ELF2: variants seen among roughly 807,000 people sequenced by gnomAD.
ELF2 encodes ETS-related transcription factor Elf-2.
Under a neutral mutation model 54.8 loss-of-function variants are expected in ELF2, and 11 were observed. The ratio of observed to expected loss-of-function variants is 0.20; its 90% CI spans 0.13 to 0.33. ELF2 has a LOEUF of 0.33. ELF2 is among the 10% of genes least tolerant of loss of function. The pLI is 1.00. For synonymous variants in ELF2, 203 were observed against 245.1 expected (o/e 0.83, Z 1.61); for missense variants, 513 against 703.0 (o/e 0.73, Z 3.06).
In ELF2 at chr4:139,151,072, G is replaced by GAAAGAAAGAAAGAAAGAA. The variant is rs1739919314; in HGVS notation, c.-251-11593_-251-11576dup. ...AGAAAGAAAGAAAGAAAGAAAGAAA[G>GAAAGAAAGAAAGAAAGAA]AAAGAAAGAAAGAAAGAAAGAAAAA... On this transcript the variant is annotated intron_variant, in intron 1 of 9. Transcript: ENST00000686138. Among the ~76,000 whole-genome samples, 6 of 123,584 alleles carry GAAAGAAAGAAAGAAAGAA rather than the reference G, an allele frequency of 4.9e-5. 1 individual carries two copies. The highest frequency in any genetic ancestry group is 4.0e-4 in the Admixed American group (5 of 12,350). 81.1% of individuals were successfully genotyped at this position (123,584 alleles called of 152,430 possible).
At chr4:139,151,782 G>A (rs1261330595) in intron 1 of ELF2, among the ~76,000 whole-genome samples, 1 of 152,148 alleles carries the variant, frequency 6.6e-6, no homozygotes, top group Admixed American at 6.5e-5. Context: ...CATGAAAACT[G>A]AATAGTTTGT....
intron 1 of ELF2, chr4:139,155,145 T>C (rs1485247267): frequency 3.3e-5 from 5 of 152,220 alleles, no homozygotes; most frequent in Non-Finnish European, 7.3e-5. Flanking sequence ...GAGAATATAG[T>C]ACCAGATGTG....
rs554564096 is a variant in ELF2, at chr4:139,061,177, ATTT to A, written c.807-506_807-504del. On this transcript the variant is annotated intron_variant, in intron 8 of 9. Transcript: ENST00000686138. ...ATTTTGTGGGTTTATCAAACTGATA[ATTT>A]TTTTTTTTTTTTTTTTGAGAGTCTC... Among the ~76,000 whole-genome samples, 104 of 140,004 alleles carry A rather than the reference ATTT, an allele frequency of 7.4e-4. 1 individual carries two copies. The highest frequency in any genetic ancestry group is 5.9e-3 in the East Asian group (28 of 4,724). The allele number at this position is 140,004 out of a possible 152,430, so 91.8% of individuals were successfully genotyped here.
At chr4:139,075,743 G>C (rs1183814451) in intron 4 of ELF2, among the ~76,000 whole-genome samples, 1 of 152,078 alleles carries the variant, frequency 6.6e-6, no homozygotes, top group African/African-American at 2.4e-5. Context: ...TTTATTTTAT[G>C]TACTGAATTA....
At chr4:139,150,075 C>A (rs772710345) in intron 1 of ELF2, among the ~76,000 whole-genome samples, 3 of 152,064 alleles carry the variant, frequency 2.0e-5, no homozygotes, top group Admixed American at 6.5e-5. Flanking sequence ...CACAGTGGCT[C>A]ACGCCTGTAA....
chr4:139,161,968 C>T (rs1741216145), intron 1 of ELF2, among the ~76,000 whole-genome samples: 1 of 152,140 alleles, frequency 6.6e-6, no homozygotes, highest in African/African-American at 2.4e-5. Context: ...GTGGTGGACG[C>T]CTGTAGTCCC....
At chr4:139,114,115 T>C (rs1396106465) in intron 4 of ELF2, among the ~76,000 whole-genome samples, 1 of 152,252 alleles carries the variant, frequency 6.6e-6, no homozygotes, top group Non-Finnish European at 1.5e-5. Flanking sequence ...TTAAGTGATA[T>C]TCAATTAGGA....
chr4:139,155,703 A>G (rs183822809), intron 1 of ELF2, among the ~76,000 whole-genome samples: 158 of 152,356 alleles, frequency 1.0e-3, no homozygotes, highest in African/African-American at 2.7e-3. Context: ...GCATTTTACA[A>G]GGATAGAAAG....
chr4:139,173,525 G>C (rs112780835), intron 1 of ELF2, among the ~76,000 whole-genome samples: 8 of 148,206 alleles, frequency 5.4e-5, no homozygotes, highest in African/African-American at 2.0e-4. Flanking sequence ...TTGGGAGGCC[G>C]AGGCAGGCGG....
intron 1 of ELF2, among the ~76,000 whole-genome samples, chr4:139,168,712 C>T (rs1386610094): frequency 6.6e-6 from 1 of 152,072 alleles, no homozygotes; most frequent in Non-Finnish European, 1.5e-5. Context: ...ATCAGTGATG[C>T]TTCCAAAGAA....
chr4:139,123,879 C>A (rs1311053099), intron 4 of ELF2, among the ~76,000 whole-genome samples: 3 of 152,314 alleles, frequency 2.0e-5, no homozygotes, highest in Non-Finnish European at 4.4e-5. Flanking sequence ...ACTGTTCTAC[C>A]TATCCTTTTC....
At chr4:139,134,584 A>ATTTATTTTAT (rs142478360) in intron 3 of ELF2, among the ~76,000 whole-genome samples, 11 of 140,002 alleles carry the variant, frequency 7.9e-5, no homozygotes, top group African/African-American at 2.2e-4. Flanking sequence ...TTTATGTTAT[A>ATTTATTTTAT]TTTATTTTAT....
At chr4:139,132,568 C>T (rs1737605125) in intron 3 of ELF2, among the ~76,000 whole-genome samples, 1 of 151,940 alleles carries the variant, frequency 6.6e-6, no homozygotes, top group South Asian at 2.1e-4. Flanking sequence ...CTTTTGTGTC[C>T]AACTTCTTTA....
intron 7 of ELF2, 21 bp from the exon 8 acceptor site, chr4:139,062,078 A>G: frequency 6.3e-7 from 1 of 1,593,116 alleles, no homozygotes; most frequent in Non-Finnish European, 8.6e-7. Context: ...AATGACAGAC[A>G]TTGATTAAAA....
At chr4:139,083,182 G>T (rs112914216) in intron 4 of ELF2, among the ~76,000 whole-genome samples, 1 of 82,482 alleles carries the variant, frequency 1.2e-5, no homozygotes, top group Non-Finnish European at 2.9e-5. Context: ...TGGGAGGTTT[G>T]GGGGGGGGTA....
At chr4:139,060,140 G>C (rs1410295885) in intron 9 of ELF2, among the ~76,000 whole-genome samples, 184 bp downstream of exon 9, 1 of 152,072 alleles carries the variant, frequency 6.6e-6, no homozygotes, top group African/African-American at 2.4e-5. Context: ...GTGAACCACT[G>C]AACCCAGCAA....
rs1364505846 is a variant in ELF2 at position 139,084,417 on chromosome 4, G to C, written c.239-10850C>G. ...GAGAAACCCCACCACCTAACGGCAGGGGCAGGGGCGGCAGGGGCAGGGGCG... is the reference window on the plus strand; with the variant it reads ...GAGAAACCCCACCACCTAACGGCAGCGGCAGGGGCGGCAGGGGCAGGGGCG... On this transcript the variant is annotated intron_variant, in intron 4 of 9. Transcript: ENST00000686138. 4 of 1,298,866 alleles carry C rather than the reference G, an allele frequency of 3.1e-6. No homozygotes were observed. In the East Asian group the frequency reaches 1.3e-4, roughly 43 times the overall value. 80.5% of individuals were successfully genotyped at this position (1,298,866 alleles called of 1,614,324 possible).
intron 1 of ELF2, among the ~76,000 whole-genome samples, chr4:139,150,166 C>G (rs1292641706): frequency 6.6e-6 from 1 of 151,976 alleles, no homozygotes; most frequent in African/African-American, 2.4e-5. Context: ...ATGGCAAAAC[C>G]CCTAAAAATA....
intron 1 of ELF2, among the ~76,000 whole-genome samples, chr4:139,145,869 G>A (rs1365877804): frequency 6.6e-6 from 1 of 152,056 alleles, no homozygotes; most frequent in African/African-American, 2.4e-5. Context: ...CAAAAAACAA[G>A]GCACAGAAGG....
Sources: gnomAD v4.1 joint callset for allele counts (sites outside exome capture counted in the v4.1 genomes callset) on GRCh38, gnomAD v4.1.1 for gene constraint, MANE v1.5 for transcripts, NCBI Gene and HGNC (gene_info 2026-07-23, HGNC 2026-07-21) for gene names.